The following PDE4D variants were observed in gnomAD, a reference collection of about 807,000 sequenced individuals.
The protein encoded by PDE4D is phosphodiesterase 4D.
PDE4D carries 24 observed loss-of-function variants against 87.4 expected under a neutral mutation model. That is an observed-to-expected ratio of 0.27 (90% CI 0.20 to 0.39). The LOEUF (loss-of-function observed/expected upper bound fraction) is 0.39. Among genes scored for constraint, PDE4D ranks in the 10% least tolerant of loss-of-function variants. The pLI, the probability that PDE4D is intolerant of heterozygous loss-of-function variation, is 1.00. For synonymous variants in PDE4D, 384 were observed against 383.2 expected, an observed-to-expected ratio of 1.00 and a Z score of -0.02; for missense variants, 714 against 1,041.0, an observed-to-expected ratio of 0.69 and a Z score of 4.32.
chr5:60,375,041 GCAACATGGC>G (rs2149992811), intron 1 of PDE4D, among the ~76,000 whole-genome samples: 1 of 152,250 alleles, frequency 6.6e-6, no homozygotes, highest in Non-Finnish European at 1.5e-5. Context: ...CTGAAGGTGG[GCAACATGGC>G]CAACCTTGCC....
chr5:60,003,486 T>G (rs1237768483), intron 2 of PDE4D, among the ~76,000 whole-genome samples: 2 of 151,400 alleles, frequency 1.3e-5, no homozygotes, highest in African/African-American at 4.8e-5. Context: ...CCTAGGTGGG[T>G]GGATCATGAG....
intron 1 of PDE4D, among the ~76,000 whole-genome samples, chr5:59,363,322 T>G (rs1782520182): frequency 6.6e-6 from 1 of 152,218 alleles, no homozygotes; most frequent in African/African-American, 2.4e-5. Flanking sequence ...TTGTGTTATT[T>G]TTATTCTGTA....
chr5:60,518,798 G>C (rs1252607626), intron 1 of PDE4D, among the ~76,000 whole-genome samples: 1 of 152,132 alleles, frequency 6.6e-6, no homozygotes, highest in Non-Finnish European at 1.5e-5. Context: ...CACAACCCAA[G>C]AAACTATCAT....
At chr5:59,062,989 A>T (rs1242562936) in intron 5 of PDE4D, 1 of 152,056 alleles carries the variant, frequency 6.6e-6, no homozygotes, top group Non-Finnish European at 1.5e-5. Flanking sequence ...ATTCTAAGAG[A>T]CCTTTTAGAT....
At chr5:60,140,753 C>T (rs1194530588) in intron 2 of PDE4D, among the ~76,000 whole-genome samples, 1 of 152,000 alleles carries the variant, frequency 6.6e-6, no homozygotes, top group East Asian at 1.9e-4. Context: ...ACTGTAGAAC[C>T]TAACAAAGAA....
chr5:60,389,737 G>T (rs1402467408), intron 1 of PDE4D, among the ~76,000 whole-genome samples: 2 of 152,064 alleles, frequency 1.3e-5, no homozygotes, highest in Admixed American at 6.6e-5. Context: ...CAACATGTTG[G>T]CTGGGTTCTG....
rs115308238 is a variant in PDE4D at position 59,972,784 on chromosome 5, T to C, written c.272+15704A>G. ...CTGCTAGGCTCTAAATTCTGCCTAA[T>C]GCCAGCCATTTTTCCACCTTGCAAG... is the stretch of plus-strand genomic sequence containing the variant. On this transcript the variant is annotated intron_variant, in intron 3 of 16. Coordinates refer to the PDE4D transcript ENST00000502484. Among the ~76,000 whole-genome samples the C allele has an allele frequency of 6.2e-3, 949 of 152,326 alleles. 13 individuals are homozygous for C. The highest frequency in any genetic ancestry group is 0.021 in the African/African-American group (855 of 41,568).
At chr5:59,826,724 G>A (rs1375934034) in intron 1 of PDE4D, among the ~76,000 whole-genome samples, 1 of 152,046 alleles carries the variant, frequency 6.6e-6, no homozygotes, top group Non-Finnish European at 1.5e-5. Flanking sequence ...TCCAAGCAAG[G>A]GAGTAGAGGC....
chr5:59,960,371 A>G (rs1269953186), intron 3 of PDE4D, among the ~76,000 whole-genome samples: 1 of 152,168 alleles, frequency 6.6e-6, no homozygotes, highest in Non-Finnish European at 1.5e-5. Context: ...AGGAAAATAA[A>G]CCATCCTACC....
intron 1 of PDE4D, among the ~76,000 whole-genome samples, chr5:59,614,014 T>A (rs542438474): frequency 6.6e-6 from 1 of 152,098 alleles, no homozygotes; most frequent in African/African-American, 2.4e-5. Context: ...TTTCTATAAC[T>A]CAAAAAAATA....
At chr5:59,551,181 G>A (rs990644715) in intron 1 of PDE4D, among the ~76,000 whole-genome samples, 13 of 150,010 alleles carry the variant, frequency 8.7e-5, no homozygotes, top group African/African-American at 3.2e-4. Flanking sequence ...CTAGTGATAT[G>A]CTTAGAAATA....
chr5:59,792,635 T>C (rs956430026), intron 1 of PDE4D, among the ~76,000 whole-genome samples: 1 of 152,164 alleles, frequency 6.6e-6, no homozygotes, highest in Non-Finnish European at 1.5e-5. Flanking sequence ...TAAGTGAATA[T>C]GCAAAGGAGT....
intron 2 of PDE4D, among the ~76,000 whole-genome samples, chr5:60,041,749 T>G (rs1385162826): frequency 6.6e-6 from 1 of 152,152 alleles, no homozygotes; most frequent in Non-Finnish European, 1.5e-5. Flanking sequence ...GACTGTGCTG[T>G]GAGGAATGGT....
At chr5:60,227,758 T>A (rs931019006) in intron 1 of PDE4D, among the ~76,000 whole-genome samples, 1 of 152,146 alleles carries the variant, frequency 6.6e-6, no homozygotes, top group Non-Finnish European at 1.5e-5. Flanking sequence ...AGGATAGATT[T>A]ATTTTTACAA....
At chr5:60,204,459 G>A (rs909432790) in intron 1 of PDE4D, among the ~76,000 whole-genome samples, 2 of 151,504 alleles carry the variant, frequency 1.3e-5, no homozygotes, top group Non-Finnish European at 3.0e-5. Flanking sequence ...ATGAAAGCAA[G>A]CAGATATTTG....
chr5:59,740,062 C>G (rs964272061), intron 1 of PDE4D, among the ~76,000 whole-genome samples: 4 of 152,098 alleles, frequency 2.6e-5, no homozygotes, highest in African/African-American at 9.7e-5. Context: ...TAGTGTATCA[C>G]TAGATAAAAG....
At chr5:60,319,788 C>A (rs1219858549) in intron 1 of PDE4D, among the ~76,000 whole-genome samples, 1 of 152,162 alleles carries the variant, frequency 6.6e-6, no homozygotes, top group Non-Finnish European at 1.5e-5. Flanking sequence ...GCAGAGGCTG[C>A]AGAACAGTGG....
chr5:59,712,393 CATATATATATATATATATAT>C (rs5868190), intron 1 of PDE4D, among the ~76,000 whole-genome samples: 15 of 122,604 alleles, frequency 1.2e-4, no homozygotes, highest in African/African-American at 2.5e-4. Context: ...TAATATTATT[CATATATATATATATATATAT>C]ATATATATAT....
At chr5:60,082,316 AT>A (rs1391198105) in intron 2 of PDE4D, among the ~76,000 whole-genome samples, 1 of 152,198 alleles carries the variant, frequency 6.6e-6, no homozygotes, top group Non-Finnish European at 1.5e-5. Context: ...CGATGTAAGG[AT>A]ATAACAAGAA....
Sources: allele counts gnomAD v4.1 joint callset (sites outside exome capture counted in the v4.1 genomes callset), GRCh38; gene constraint gnomAD v4.1.1; transcripts MANE v1.5; gene names NCBI Gene and HGNC (gene_info 2026-07-23, HGNC 2026-07-21).